Variants in MAPKAP1 observed in about 807,000 individuals in gnomAD.
The protein encoded by MAPKAP1 is MAPK associated protein 1.
A neutral mutation model predicts 65.7 loss-of-function variants in MAPKAP1; 20 were observed. The ratio of observed to expected loss-of-function variants is 0.30; its 90% CI spans 0.21 to 0.44. The LOEUF (loss-of-function observed/expected upper bound fraction) is 0.44, where lower values mean the gene tolerates loss of function less well. Ranked by LOEUF, MAPKAP1 falls within the 20% of genes least tolerant of loss-of-function variation. MAPKAP1 has a pLI of 1.00. For missense variants in MAPKAP1, 423 were observed against 648.0 expected, an observed-to-expected ratio of 0.65 and a Z score of 3.77; for synonymous variants, 222 against 244.3, an observed-to-expected ratio of 0.91 and a Z score of 0.85.
chr9:125,458,080 T>G (rs949695316), intron 10 of MAPKAP1, among the ~76,000 whole-genome samples: 1 of 152,230 alleles, frequency 6.6e-6, no homozygotes, highest in Non-Finnish European at 1.5e-5. Flanking sequence ...TACCTTTCTC[T>G]CAGGGATCAC....
Position 125,449,004 on chromosome 9 carries a change from C to CAAA in MAPKAP1, c.1346-4409_1346-4407dup, listed in dbSNP as rs11358978. Among the ~76,000 whole-genome samples, 297 of 89,026 alleles carry CAAA rather than the reference C, an allele frequency of 3.3e-3. 10 individuals carry two copies. The East Asian group carries it at 0.073, about 22-fold the overall frequency. The allele number at this position is 89,026 out of a possible 152,430, so 58.4% of individuals were successfully genotyped here. ...TGGGTGACAGAGCGAGACTCTGTCT[C>CAAA]AAAAAAAAAAAAAAAAAAAATCAGC... On this transcript the variant is annotated intron_variant, in intron 10 of 11. Coordinates refer to ENST00000265960, the MANE Select transcript of MAPKAP1 (RefSeq NM_001006617.3).
At chr9:125,706,354 A>G (rs1325370869) in intron 1 of MAPKAP1, among the ~76,000 whole-genome samples, 1 of 152,100 alleles carries the variant, frequency 6.6e-6, no homozygotes, top group Non-Finnish European at 1.5e-5. Flanking sequence ...AGTGCCAGGT[A>G]CTGTGGTGGG....
intron 5 of MAPKAP1, among the ~76,000 whole-genome samples, chr9:125,562,034 T>C (rs957978274): frequency 6.6e-6 from 1 of 152,100 alleles, no homozygotes; most frequent in African/African-American, 2.4e-5. Flanking sequence ...CAGACATGGA[T>C]GGAACAAGCA....
chr9:125,479,580 CAAA>C (rs1173012841), intron 9 of MAPKAP1, among the ~76,000 whole-genome samples: 3 of 114,270 alleles, frequency 2.6e-5, no homozygotes, highest in Admixed American at 1.8e-4. Context: ...AACTCCATCT[CAAA>C]AAAAAAAAAA....
At chr9:125,698,732 C>T (rs1477843827) in intron 1 of MAPKAP1, among the ~76,000 whole-genome samples, 5 of 152,084 alleles carry the variant, frequency 3.3e-5, no homozygotes, top group Non-Finnish European at 7.4e-5. Context: ...AACATAATAT[C>T]CCTTTTCTAA....
chr9:125,500,193 C>T (rs894188823), intron 8 of MAPKAP1, among the ~76,000 whole-genome samples: 4 of 151,906 alleles, frequency 2.6e-5, no homozygotes, highest in African/African-American at 4.8e-5. Flanking sequence ...GATGGAGTCT[C>T]GCTCTGTGGC....
intron 3 of MAPKAP1, among the ~76,000 whole-genome samples, chr9:125,665,782 T>G (rs1247907663): frequency 6.6e-6 from 1 of 152,222 alleles, no homozygotes; most frequent in South Asian, 2.1e-4. Flanking sequence ...TATACCTCCA[T>G]TGTATTTGGG....
In MAPKAP1 at chr9:125,542,408, TTTATA is replaced by T. The variant is rs142370241; in HGVS notation, c.958+646_958+650del. ...ATTCAACACGTCATATATGAGTTGA[TTTATA>T]TTAAAGTTGTCTGTGATATGACAAA... is the stretch of plus-strand genomic sequence containing the variant. On this transcript the variant is annotated intron_variant, in intron 7 of 11. Coordinates refer to ENST00000265960, the MANE Select transcript of MAPKAP1 (RefSeq NM_001006617.3). Among the ~76,000 whole-genome samples the T allele has an allele frequency of 3.1e-3, 466 of 152,352 alleles. 2 individuals carry two copies. The highest frequency in any genetic ancestry group is 6.8e-3 in the Middle Eastern group (2 of 294).
intron 6 of MAPKAP1, among the ~76,000 whole-genome samples, chr9:125,556,563 T>C (rs1456291158): frequency 2.0e-5 from 3 of 152,216 alleles, no homozygotes; most frequent in Admixed American, 6.5e-5. Flanking sequence ...TTAGTAAGTA[T>C]TAGTTCACTC....
chr9:125,588,269 G>A (rs1200608196), intron 4 of MAPKAP1, among the ~76,000 whole-genome samples: 2 of 152,172 alleles, frequency 1.3e-5, no homozygotes, highest in Non-Finnish European at 2.9e-5. Context: ...GGTGTACCAT[G>A]AAAACATCAT....
At chr9:125,537,767 C>T (rs761020262) in intron 7 of MAPKAP1, among the ~76,000 whole-genome samples, 5 of 152,206 alleles carry the variant, frequency 3.3e-5, no homozygotes, top group East Asian at 1.9e-4. Context: ...CAGGTGTGAG[C>T]TACTGTGCCT....
At chr9:125,522,488 C>T (rs1044361480) in intron 7 of MAPKAP1, among the ~76,000 whole-genome samples, 11 of 152,166 alleles carry the variant, frequency 7.2e-5, no homozygotes, top group Middle Eastern at 3.2e-3. Flanking sequence ...ATAGTGAACA[C>T]GGCACTCTCA....
chr9:125,442,128 CA>C (rs71492449), intron 11 of MAPKAP1, among the ~76,000 whole-genome samples: 1,179 of 38,668 alleles, frequency 0.03, 3 homozygotes, highest in African/African-American at 0.076. Flanking sequence ...GACTCTGTCT[CA>C]AAAAAAAAAA....
Position 125,482,025 on chromosome 9 carries a change from G to C in MAPKAP1, c.1207+2418C>G, listed in dbSNP as rs535651131. On this transcript the variant is annotated intron_variant, in intron 9 of 11. Transcript: ENST00000265960. ...TGGGCGCCTGTAATCCCAGCTACTC[G>C]GGAGGCTGAGGCAGGAGAATCACTT... Among the ~76,000 whole-genome samples, 4 of 151,268 alleles carry C rather than the reference G, an allele frequency of 2.6e-5. No homozygotes were observed. The East Asian group carries it at 5.9e-4, about 22-fold the overall frequency.
chr9:125,648,228 A>C (rs1164739260), intron 4 of MAPKAP1, among the ~76,000 whole-genome samples: 2 of 152,158 alleles, frequency 1.3e-5, no homozygotes, highest in Admixed American at 1.3e-4. Context: ...TGAGCACCTC[A>C]CTTTCTCTCT....
At chr9:125,485,328 G>A (rs1011715756) in intron 8 of MAPKAP1, among the ~76,000 whole-genome samples, 1 of 152,124 alleles carries the variant, frequency 6.6e-6, no homozygotes, top group African/African-American at 2.4e-5. Context: ...TCTAAAGGTT[G>A]GATCATTCAT....
At chr9:125,532,752 G>GC (rs1829968111) in intron 7 of MAPKAP1, among the ~76,000 whole-genome samples, 1 of 152,210 alleles carries the variant, frequency 6.6e-6, no homozygotes, top group Non-Finnish European at 1.5e-5. Context: ...TAGATCTGCT[G>GC]CCCCAAAATA....
rs117180015 is a variant in MAPKAP1, at chr9:125,631,799, C to T, written c.498+25852G>A. Reference sequence around the variant, plus strand: ...ACCTCAGATGTTTACACCAGCACTTCACCTACCTAGAAGCCTCCTGCCTAA... The same window carrying T: ...ACCTCAGATGTTTACACCAGCACTTTACCTACCTAGAAGCCTCCTGCCTAA... On this transcript the variant is annotated intron_variant, in intron 4 of 11. Transcript: ENST00000265960. Among the ~76,000 whole-genome samples, 605 of 152,324 alleles carry T rather than the reference C, an allele frequency of 4.0e-3. 3 individuals carry two copies. The highest frequency in any genetic ancestry group is 7.5e-3 in the Non-Finnish European group (512 of 68,036).
At position 125,698,289 on chromosome 9, in the gene MAPKAP1, ATATATATAT is replaced by A. The variant is rs1163316702; in HGVS notation, c.-70+8673_-70+8681del. ...TATATATAATACATAATATATATAA[ATATATATAT>A]ATATATATATATATATATATATATA... On this transcript the variant is annotated intron_variant, in intron 1 of 11. Transcript: ENST00000265960. 2.0e-3 allele frequency among the ~76,000 whole-genome samples: 158 copies of A among 77,800 alleles called. 4 individuals are homozygous for A. Among genetic ancestry groups the A allele is most frequent in the African/African-American group, 6.5e-3 (138 of 21,268 alleles). 51.0% of individuals were successfully genotyped at this position (77,800 alleles called of 152,430 possible).
Sources: gnomAD v4.1 joint callset for allele counts (sites outside exome capture counted in the v4.1 genomes callset) on GRCh38, gnomAD v4.1.1 for gene constraint, MANE v1.5 for transcripts, NCBI Gene and HGNC (gene_info 2026-07-23, HGNC 2026-07-21) for gene names.